SEPTIN9: variants seen among roughly 807,000 people sequenced by gnomAD.
The protein encoded by SEPTIN9 is septin 9, also known as septin-9.
SEPTIN9 carries 13 observed loss-of-function variants against 56.6 expected under a neutral mutation model. The observed-to-expected ratio is 0.23, with a 90% confidence interval of 0.15 to 0.37. SEPTIN9 has a LOEUF of 0.37. Among genes scored for constraint, SEPTIN9 ranks in the 10% least tolerant of loss-of-function variants. The probability of loss-of-function intolerance (pLI) is 1.00; values close to 1 mark genes in which losing one functional copy is unlikely to be tolerated. For synonymous variants in SEPTIN9, 332 were observed against 334.1 expected, an observed-to-expected ratio of 0.99 and a Z score of 0.07; for missense variants, 650 against 823.1, an observed-to-expected ratio of 0.79 and a Z score of 2.57.
chr17:77,320,282 A>C, intron 2 of SEPTIN9: 1 of 1,611,870 alleles, frequency 6.2e-7, no homozygotes, highest in Non-Finnish European at 8.5e-7. Flanking sequence ...GCCGCCTCTG[A>C]GCGGGACGCC....
intron 2 of SEPTIN9, among the ~76,000 whole-genome samples, chr17:77,393,349 C>G (rs1407186009): frequency 6.6e-6 from 1 of 152,158 alleles, no homozygotes; most frequent in East Asian, 1.9e-4. Context: ...TCCTTCCAGC[C>G]TTCCGAGGGC....
rs1348552214 is a variant in SEPTIN9 at position 77,456,804 on chromosome 17, G to A, written c.722-25340G>A. The stretch of plus-strand genomic sequence containing the variant: ...GGCCAGTACCAGGTCTCAGGGACCA[G>A]CGCTGGGTCCCCACAGCCAAGGACA... On this transcript the variant is annotated intron_variant, in intron 3 of 11. Coordinates refer to ENST00000427177, the MANE Select transcript of SEPTIN9 (RefSeq NM_001113491.2). The surrounding 1 kb of genome is among the most constrained non-coding windows in gnomAD (Gnocchi z 6.0). 1.3e-5 allele frequency among the ~76,000 whole-genome samples: 2 copies of A among 152,108 alleles called. No individual in the cohort carries two copies. The highest frequency in any genetic ancestry group is 2.4e-5 in the African/African-American group (1 of 41,400).
intron 3 of SEPTIN9, chr17:77,444,603 G>C (rs963259359): frequency 1.2e-5 from 2 of 160,012 alleles, no homozygotes; most frequent in Admixed American, 1.2e-4. Flanking sequence ...GTCACTCCAG[G>C]AGACTAAGTC....
chr17:77,348,808 A>G (rs1172087119), intron 2 of SEPTIN9, among the ~76,000 whole-genome samples: 1 of 152,238 alleles, frequency 6.6e-6, no homozygotes, highest in East Asian at 1.9e-4. Context: ...TACTACATCC[A>G]TACACATTGT....
rs1598394078 is a variant in SEPTIN9 at position 77,450,158 on chromosome 17, T to C, written c.722-31986T>C. On this transcript the variant is annotated intron_variant, in intron 3 of 11. Transcript: ENST00000427177. The surrounding 1 kb of genome is among the most constrained non-coding windows in gnomAD (Gnocchi z 6.0). ...GACCAGGAGGCCTTAGGGGGAAAGT[T>C]GGCCATGAGGAGTGGGAAGCGACGG... Among the ~76,000 whole-genome samples, 1 of 152,126 alleles carries C rather than the reference T, an allele frequency of 6.6e-6. No individual in the cohort carries two copies. Among genetic ancestry groups the C allele is most frequent in the East Asian group, 1.9e-4 (1 of 5,180 alleles).
intron 2 of SEPTIN9, chr17:77,322,864 G>C (rs527456338): frequency 3.3e-5 from 5 of 152,534 alleles, no homozygotes; most frequent in African/African-American, 1.2e-4. Context: ...GCTCTGGCCT[G>C]AGGAGGAGCC....
intron 2 of SEPTIN9, chr17:77,374,576 G>A (rs1290101108): frequency 2.0e-5 from 3 of 152,428 alleles, no homozygotes; most frequent in Non-Finnish European, 4.4e-5. Context: ...GCCCTCTGGT[G>A]GGCCGGGAGG....
Position 77,327,639 on chromosome 17 carries a change from C to T in SEPTIN9, c.76+20442C>T, listed in dbSNP as rs1450466936. ...GGAGACTGATTTGGGCTCCAGGCTA[C>T]GCCTTGAAATTGGGACAGAGAGTGG... On this transcript the variant is annotated intron_variant, in intron 2 of 11. Coordinates refer to ENST00000427177, the MANE Select transcript of SEPTIN9 (RefSeq NM_001113491.2). This position sits in a 1 kb window ranked among gnomAD's most constrained non-coding sequence, Gnocchi z 5.0. Among the ~76,000 whole-genome samples the T allele has an allele frequency of 2.6e-5, 4 of 152,150 alleles. No individual in the cohort carries two copies. The highest frequency in any genetic ancestry group is 7.2e-5 in the African/African-American group (3 of 41,432).
At position 77,402,640 on chromosome 17, in the gene SEPTIN9, C is replaced by G. The variant is rs1315850675; in HGVS notation, c.658C>G (p.Gln220Glu). ...NSEPAPVSQL[Q>E]SRLEPKPQPP... Reference sequence around the variant, plus strand: ...AGAGCCTGCCCCTGTGTCTCAGCTGCAGAGCAGGCTGGAGCCCAAGCCCCA... The same window carrying G: ...AGAGCCTGCCCCTGTGTCTCAGCTGGAGAGCAGGCTGGAGCCCAAGCCCCA... Residue 220 changes from glutamine to glutamate, a missense_variant, in exon 3 of 12, where the codon CAG (glutamine) becomes GAG (glutamate). By Grantham distance (29) the Gln-to-Glu change is conservative (BLOSUM62 2). Around this residue, in one of 2 missense-constraint regions of SEPTIN9, gnomAD observed 317 missense variants for 329.1 expected, o/e 0.96. Transcript: ENST00000427177. The surrounding 1 kb of genome is among the most constrained non-coding windows in gnomAD (Gnocchi z 6.6). The G allele has an allele frequency of 6.2e-7, 1 of 1,612,988 alleles. No individual in the cohort carries two copies. The highest frequency in any genetic ancestry group is 1.3e-5 in the African/African-American group (1 of 74,904).
At chr17:77,331,542 G>A (rs1035602849) in intron 2 of SEPTIN9, among the ~76,000 whole-genome samples, 3 of 152,208 alleles carry the variant, frequency 2.0e-5, no homozygotes, top group Non-Finnish European at 4.4e-5. Flanking sequence ...GGGTGGCAGC[G>A]AGGAAGGGGA....
At chr17:77,377,856 A>G (rs312828) in intron 2 of SEPTIN9, among the ~76,000 whole-genome samples, 103,471 of 152,086 alleles carry the variant, frequency 0.68, 35,474 homozygotes, top group African/African-American at 0.74. Context: ...GACTCAAGGC[A>G]TCCTGTGAAT....
chr17:77,411,549 T>C (rs2036300032), intron 3 of SEPTIN9, among the ~76,000 whole-genome samples: 1 of 152,020 alleles, frequency 6.6e-6, no homozygotes, highest in Non-Finnish European at 1.5e-5. Flanking sequence ...TCACAGGTGC[T>C]TGCCACCACA....
intron 2 of SEPTIN9, among the ~76,000 whole-genome samples, chr17:77,383,954 CTATTGCAGAA>C (rs1436399974): frequency 6.6e-6 from 1 of 152,240 alleles, no homozygotes; most frequent in Admixed American, 6.5e-5. Context: ...TACACATTGA[CTATTGCAGAA>C]TGAACACAGT....
At chr17:77,315,978 C>T (rs575525984) in intron 2 of SEPTIN9, among the ~76,000 whole-genome samples, 6 of 152,282 alleles carry the variant, frequency 3.9e-5, no homozygotes, top group Non-Finnish European at 5.9e-5. Flanking sequence ...TTCCCAAAGC[C>T]GTGGGCCTGA....
intron 1 of SEPTIN9, among the ~76,000 whole-genome samples, chr17:77,299,049 G>A (rs2031929639): frequency 6.6e-6 from 1 of 152,194 alleles, no homozygotes; most frequent in African/African-American, 2.4e-5. Flanking sequence ...CAGGCTCCCA[G>A]CCATTGGCTT....
chr17:77,354,439 C>G (rs1408617667), intron 2 of SEPTIN9, among the ~76,000 whole-genome samples: 2 of 152,150 alleles, frequency 1.3e-5, no homozygotes, highest in Admixed American at 1.3e-4. Flanking sequence ...AAGGAAGCTT[C>G]TAGCAGCCTC....
intron 2 of SEPTIN9, among the ~76,000 whole-genome samples, chr17:77,308,313 T>C (rs1269002442): frequency 6.6e-6 from 1 of 152,214 alleles, no homozygotes; most frequent in Non-Finnish European, 1.5e-5. Context: ...ATAGAGCGCC[T>C]GTGGACCAGG....
chr17:77,327,783 C>T lies in SEPTIN9; in HGVS notation c.76+20586C>T, dbSNP rs1403066743. 2.0e-5 allele frequency among the ~76,000 whole-genome samples: 3 copies of T among 152,162 alleles called. No individual in the cohort carries two copies. Among genetic ancestry groups the T allele is most frequent in the Non-Finnish European group, 4.4e-5 (3 of 68,020 alleles). ...AACTCTGACTTGAACACTGAATAAA[C>T]AACACACCCTCGAAATCAGCGAAGA... On this transcript the variant is annotated intron_variant, in intron 2 of 11. Transcript: ENST00000427177. The surrounding 1 kb of genome is among the most constrained non-coding windows in gnomAD (Gnocchi z 5.0).
At chr17:77,343,021 C>CTATCTATCTATT (rs2033785867) in intron 2 of SEPTIN9, among the ~76,000 whole-genome samples, 2 of 150,710 alleles carry the variant, frequency 1.3e-5, no homozygotes, top group Non-Finnish European at 2.9e-5. Context: ...ATCTATCTAT[C>CTATCTATCTATT]TATCTATCTA....
Sources: gnomAD v4.1 joint callset for allele counts (sites outside exome capture counted in the v4.1 genomes callset) on GRCh38, gnomAD v4.1.1 for gene constraint, gnomAD v4.1.1 regional missense constraint, Gnocchi (gnomAD v3.1) non-coding constraint, MANE v1.5 for transcripts, NCBI Gene and HGNC (gene_info 2026-07-23, HGNC 2026-07-21) for gene names.